The following PAK3 variants were observed in gnomAD, a reference collection of about 807,000 sequenced individuals.
PAK3 encodes serine/threonine-protein kinase PAK 3.
Under a neutral mutation model 41.0 loss-of-function variants are expected in PAK3, and 4 were observed. The observed-to-expected ratio is 0.10, with a 90% CI of 0.05 to 0.22. PAK3 has a LOEUF of 0.22. Ranked by LOEUF, PAK3 falls within the 10% of genes least tolerant of loss-of-function variation. PAK3 has a pLI of 1.00. For missense variants in PAK3, 205 were observed against 409.9 expected (o/e 0.50, Z 4.32); for synonymous variants, 146 against 139.6 (o/e 1.05, Z -0.32).
intron 16 of PAK3, among the ~76,000 whole-genome samples, chrX:111,196,854 C>CTTTTTTTT (rs375476309): frequency 3.8e-5 from 3 of 79,210 alleles, no homozygotes; most frequent in Non-Finnish European, 4.9e-5. Flanking sequence ...TTCTTTCTTT[C>CTTTTTTTT]TTTTTTTTTT....
rs182058905 is a variant in PAK3 at position 111,064,286 on chromosome X, A to T, written c.-27-58791A>T. Among the ~76,000 whole-genome samples, 274 of 111,529 alleles carry T rather than the reference A, an allele frequency of 2.5e-3. 1 individual carries two copies. Among genetic ancestry groups the T allele is most frequent in the African/African-American group, 8.1e-3 (248 of 30,713 alleles). On this transcript the variant is annotated intron_variant, in intron 1 of 14. Transcript: ENST00000425146. ...TTTATTTATTTACTTATTTTTTATT[A>T]TTTTTAAGAATTTTAACTTTTATTT...
intron 5 of PAK3, among the ~76,000 whole-genome samples, chrX:111,125,073 A>G (rs763530810): frequency 5.4e-5 from 6 of 111,839 alleles, no homozygotes; most frequent in Non-Finnish European, 9.4e-5. Flanking sequence ...AACTTTGTTC[A>G]CAATCTCGCA....
chrX:110,972,784 C>T (rs935253393), intron 1 of PAK3, among the ~76,000 whole-genome samples: 2 of 111,118 alleles, frequency 1.8e-5, no homozygotes, highest in Non-Finnish European at 3.8e-5. Flanking sequence ...GGAGGATGTT[C>T]GAACCCATCA....
intron 10 of PAK3, among the ~76,000 whole-genome samples, chrX:111,172,787 C>T (rs956193076): frequency 1.8e-5 from 2 of 110,915 alleles, no homozygotes; most frequent in Non-Finnish European, 1.9e-5. Flanking sequence ...GTTATTATTA[C>T]TACTTTAATT....
intron 16 of PAK3, among the ~76,000 whole-genome samples, chrX:111,214,204 A>G (rs752641901): frequency 2.7e-5 from 3 of 112,098 alleles, no homozygotes; most frequent in Non-Finnish European, 3.8e-5. Flanking sequence ...ACAATCTCCT[A>G]TGGAATTCTG....
chrX:111,147,261 T>G (rs1036995291), intron 6 of PAK3, among the ~76,000 whole-genome samples: 1 of 111,895 alleles, frequency 8.9e-6, no homozygotes, highest in African/African-American at 3.2e-5. Context: ...TGACCAAGGG[T>G]GATCCTTTCC....
intron 8 of PAK3, among the ~76,000 whole-genome samples, chrX:111,158,769 G>A (rs900015699): frequency 3.6e-5 from 4 of 112,110 alleles, no homozygotes; most frequent in Non-Finnish European, 7.5e-5. Context: ...TTGGAGATGG[G>A]GAATGGTTTC....
chrX:110,965,033 C>T (rs1027462894), intron 1 of PAK3, among the ~76,000 whole-genome samples: 12 of 111,914 alleles, frequency 1.1e-4, no homozygotes, highest in African/African-American at 2.9e-4. Flanking sequence ...CAGGTGCGGC[C>T]GCACTTGTTA....
intron 10 of PAK3, among the ~76,000 whole-genome samples, chrX:111,166,878 A>C (rs2094262250): frequency 9.0e-6 from 1 of 111,581 alleles, no homozygotes; most frequent in Admixed American, 9.5e-5. Context: ...AAGATAATAC[A>C]ATGGGTCAAG....
chrX:111,178,160 A>G (rs777795132), intron 11 of PAK3, among the ~76,000 whole-genome samples: 16 of 110,571 alleles, frequency 1.4e-4, no homozygotes, highest in Non-Finnish European at 2.8e-4. Context: ...ACCCCCAATA[A>G]TGTACCTTTC....
chrX:111,148,374 A>G (rs1403241667), intron 7 of PAK3, among the ~76,000 whole-genome samples: 2 of 112,182 alleles, frequency 1.8e-5, no homozygotes, highest in Non-Finnish European at 3.8e-5. Flanking sequence ...GACTATTTTT[A>G]GAAACTGAAA....
intron 1 of PAK3, among the ~76,000 whole-genome samples, chrX:111,014,977 T>C (rs1308126957): frequency 9.0e-6 from 1 of 111,015 alleles, no homozygotes; most frequent in African/African-American, 3.3e-5. Flanking sequence ...TTCTGTAAAA[T>C]TGGGACAATA....
chrX:111,013,644 G>A (rs73537169), intron 1 of PAK3, among the ~76,000 whole-genome samples: 6 of 110,967 alleles, frequency 5.4e-5, no homozygotes, highest in Non-Finnish European at 7.5e-5. Context: ...TAGTACAGGC[G>A]TATAAGAACA....
At chrX:111,024,429 G>T (rs2092240347) in intron 1 of PAK3, among the ~76,000 whole-genome samples, 1 of 111,681 alleles carries the variant, frequency 9.0e-6, no homozygotes, top group African/African-American at 3.3e-5. Context: ...ATTCTGTGAA[G>T]AAAGTCAGTG....
chrX:111,038,141 A>G (rs1001312411), intron 1 of PAK3, among the ~76,000 whole-genome samples: 4 of 112,303 alleles, frequency 3.6e-5, no homozygotes, highest in Non-Finnish European at 7.5e-5. Context: ...AGCATCAGGC[A>G]TGGAATAAAT....
chrX:111,050,959 G>C (rs1464577687), intron 1 of PAK3, among the ~76,000 whole-genome samples: 9 of 111,962 alleles, frequency 8.0e-5, no homozygotes, highest in Non-Finnish European at 1.5e-4. Flanking sequence ...GGAGGAGGCT[G>C]TGAAATAGAG....
At chrX:111,005,948 G>T (rs1158280641) in intron 1 of PAK3, among the ~76,000 whole-genome samples, 4 of 111,423 alleles carry the variant, frequency 3.6e-5, no homozygotes, top group Non-Finnish European at 7.5e-5. Context: ...GACTAAAGGA[G>T]ACATGGAGGT....
intron 1 of PAK3, among the ~76,000 whole-genome samples, chrX:110,980,628 C>T (rs994335538): frequency 1.1e-4 from 12 of 111,796 alleles, no homozygotes; most frequent in African/African-American, 3.9e-4. Flanking sequence ...ATTTAACATA[C>T]GTGTACATGG....
intron 1 of PAK3, among the ~76,000 whole-genome samples, chrX:110,966,852 G>T (rs2091092264): frequency 9.0e-6 from 1 of 111,364 alleles, no homozygotes; most frequent in South Asian, 3.8e-4. Context: ...AATGCTTTTT[G>T]TAATTTTAAC....
Sources: allele counts gnomAD v4.1 joint callset (sites outside exome capture counted in the v4.1 genomes callset), GRCh38; gene constraint gnomAD v4.1.1; transcripts MANE v1.5; gene names NCBI Gene and HGNC (gene_info 2026-07-23, HGNC 2026-07-21).